The following ARHGAP15 variants were observed in gnomAD, a reference collection of about 807,000 sequenced individuals.
ARHGAP15 encodes Rho GTPase activating protein 15.
In ARHGAP15, 51 loss-of-function variants were observed where a neutral mutation model predicts 63.7. The observed-to-expected ratio is 0.80, with a 90% CI of 0.64 to 1.01. The LOEUF (loss-of-function observed/expected upper bound fraction) is 1.01. Ranked by LOEUF, ARHGAP15 falls within the 50% of genes least tolerant of loss-of-function variation. The pLI is 0.00. For missense variants in ARHGAP15, 560 were observed against 564.6 expected (o/e 0.99, Z 0.08); for synonymous variants, 191 against 193.8 (o/e 0.99, Z 0.12).
chr2:143,732,916 T>TG (rs1467696908), intron 13 of ARHGAP15, among the ~76,000 whole-genome samples: 1 of 149,080 alleles, frequency 6.7e-6, no homozygotes, highest in Non-Finnish European at 1.5e-5. Flanking sequence ...TTGGGTTTTT[T>TG]TTTTTTTTTT....
chr2:143,610,677 T>C (rs368209896), intron 11 of ARHGAP15, among the ~76,000 whole-genome samples: 2 of 152,186 alleles, frequency 1.3e-5, no homozygotes, highest in Admixed American at 1.3e-4. Flanking sequence ...GGGTTAGCAG[T>C]GGGCCATGAT....
intron 6 of ARHGAP15, among the ~76,000 whole-genome samples, chr2:143,302,200 G>A (rs1682938591): frequency 6.6e-6 from 1 of 151,722 alleles, no homozygotes; most frequent in Non-Finnish European, 1.5e-5. Flanking sequence ...TGCATTCTTG[G>A]TGTTCCATAT....
chr2:143,688,256 C>A (rs143054687), intron 12 of ARHGAP15, among the ~76,000 whole-genome samples: 5 of 152,164 alleles, frequency 3.3e-5, no homozygotes, highest in Non-Finnish European at 7.4e-5. Context: ...AGTATTCCTA[C>A]GAAGAGAAGT....
intron 6 of ARHGAP15, among the ~76,000 whole-genome samples, chr2:143,286,232 A>G (rs569675573): frequency 6.6e-6 from 1 of 152,288 alleles, no homozygotes; most frequent in South Asian, 2.1e-4. Flanking sequence ...TGAATGACCA[A>G]CTTCATCATC....
At chr2:143,520,812 G>C (rs1694031672) in intron 10 of ARHGAP15, among the ~76,000 whole-genome samples, 1 of 152,072 alleles carries the variant, frequency 6.6e-6, no homozygotes. Flanking sequence ...AGCACTATTA[G>C]ACCAAAAACC....
At chr2:143,199,947 T>C (rs1692043507) in intron 2 of ARHGAP15, among the ~76,000 whole-genome samples, 1 of 152,006 alleles carries the variant, frequency 6.6e-6, no homozygotes, top group South Asian at 2.1e-4. Context: ...GCTTGAGATA[T>C]AAGCTCTGTC....
intron 6 of ARHGAP15, among the ~76,000 whole-genome samples, chr2:143,375,683 G>T (rs1686777764): frequency 6.6e-6 from 1 of 152,122 alleles, no homozygotes; most frequent in Admixed American, 6.6e-5. Flanking sequence ...CTTTACAAAG[G>T]AATGGATATT....
At chr2:143,570,960 C>A (rs1696424763) in intron 11 of ARHGAP15, among the ~76,000 whole-genome samples, 2 of 152,176 alleles carry the variant, frequency 1.3e-5, no homozygotes, top group African/African-American at 4.8e-5. Flanking sequence ...AGGAACCTGG[C>A]AGCACAGTAG....
chr2:143,314,862 C>G (rs1034353969), intron 6 of ARHGAP15, among the ~76,000 whole-genome samples: 2 of 151,532 alleles, frequency 1.3e-5, no homozygotes, highest in Non-Finnish European at 2.9e-5. Context: ...ACTCATCTGT[C>G]CTCAGTTAAA....
chr2:143,148,008 G>A (rs1689657519), intron 1 of ARHGAP15, among the ~76,000 whole-genome samples: 1 of 151,958 alleles, frequency 6.6e-6, no homozygotes, highest in African/African-American at 2.4e-5. Context: ...AATTTCCCCA[G>A]GATCTATAAG....
intron 13 of ARHGAP15, among the ~76,000 whole-genome samples, chr2:143,738,718 TTGACTGAGCTCTAAAATCCGCAAATCACA>T (rs2105502279): frequency 6.6e-6 from 1 of 152,368 alleles, no homozygotes; most frequent in African/African-American, 2.4e-5. Context: ...AATCCATGAA[TTGACTGAGCTCTAAAATCCGCAAATCACA>T]TGCTTTGCTT....
intron 12 of ARHGAP15, among the ~76,000 whole-genome samples, chr2:143,695,871 A>G (rs1290156632): frequency 6.6e-6 from 1 of 152,058 alleles, no homozygotes; most frequent in Non-Finnish European, 1.5e-5. Flanking sequence ...ACCAAAAAAA[A>G]AAAAAAGTTA....
intron 10 of ARHGAP15, among the ~76,000 whole-genome samples, chr2:143,535,773 T>A (rs1368795041): frequency 6.6e-6 from 1 of 152,172 alleles, no homozygotes; most frequent in African/African-American, 2.4e-5. Context: ...AACAGGGAAA[T>A]TAAGACATCC....
At position 143,154,202 on chromosome 2, in the gene ARHGAP15, G is replaced by A. The variant is rs531242020; in HGVS notation, c.-14-1275G>A. Among the ~76,000 whole-genome samples, 140 of 151,502 alleles carry A rather than the reference G, an allele frequency of 9.2e-4. 1 individual carries two copies. The highest frequency in any genetic ancestry group is 3.3e-3 in the African/African-American group (135 of 41,320). On this transcript the variant is annotated intron_variant, in intron 1 of 13. Coordinates refer to ENST00000295095, the MANE Select transcript of ARHGAP15 (RefSeq NM_018460.4). Reference sequence around the variant, plus strand: ...AATGGCTATTTTATAGGAGTTTTTTGAGAATCAACCATTGAGCACATTGCT... The same window carrying A: ...AATGGCTATTTTATAGGAGTTTTTTAAGAATCAACCATTGAGCACATTGCT...
intron 6 of ARHGAP15, among the ~76,000 whole-genome samples, chr2:143,373,650 A>AAAAAAAAAAAAAAC (rs1686673225): frequency 8.2e-6 from 1 of 122,392 alleles, no homozygotes; most frequent in Non-Finnish European, 1.7e-5. Context: ...AAAAAAAAAA[A>AAAAAAAAAAAAAAC]AAAAAAAAAA....
intron 6 of ARHGAP15, among the ~76,000 whole-genome samples, chr2:143,347,357 T>C (rs1158351137): frequency 6.6e-6 from 1 of 152,188 alleles, no homozygotes; most frequent in Admixed American, 6.6e-5. Context: ...AGCTTCTTGC[T>C]AAAAACTACA....
intron 11 of ARHGAP15, among the ~76,000 whole-genome samples, chr2:143,609,876 A>C (rs1353061003): frequency 6.6e-6 from 1 of 152,170 alleles, no homozygotes; most frequent in African/African-American, 2.4e-5. Flanking sequence ...TGCCATGAGC[A>C]ATAAATGCTC....
chr2:143,698,073 G>A (rs2105409913), intron 12 of ARHGAP15, among the ~76,000 whole-genome samples: 1 of 152,134 alleles, frequency 6.6e-6, no homozygotes, highest in East Asian at 1.9e-4. Flanking sequence ...TTTAAGAACT[G>A]TAGACAAATG....
intron 6 of ARHGAP15, among the ~76,000 whole-genome samples, chr2:143,416,818 A>T (rs10164594): frequency 1.0e-4 from 10 of 96,440 alleles, no homozygotes; most frequent in East Asian, 3.7e-4. Flanking sequence ...CACTTCCCCC[A>T]CCACCCCCCC....
Sources: allele counts gnomAD v4.1 joint callset (sites outside exome capture counted in the v4.1 genomes callset), GRCh38; gene constraint gnomAD v4.1.1; transcripts MANE v1.5; gene names NCBI Gene and HGNC (gene_info 2026-07-23, HGNC 2026-07-21).